Variants in DOK6 observed in about 807,000 individuals in gnomAD.
DOK6 encodes docking protein 6, also known as downstream of tyrosine kinase 6.
Under a neutral mutation model 44.0 loss-of-function variants are expected in DOK6, and 22 were observed. The ratio of observed to expected loss-of-function variants is 0.50; its 90% CI spans 0.36 to 0.71. DOK6 has a LOEUF of 0.71. DOK6 is among the 30% of genes least tolerant of loss of function. DOK6 has a pLI of 0.00. For missense variants in DOK6, 340 were observed against 416.4 expected (o/e 0.82, Z 1.60); for synonymous variants, 166 against 145.5 (o/e 1.14, Z -1.01).
chr18:69,580,156 T>C (rs928809630), intron 2 of DOK6, among the ~76,000 whole-genome samples: 1 of 152,294 alleles, frequency 6.6e-6, no homozygotes, highest in East Asian at 1.9e-4. Flanking sequence ...ATTCAGACTG[T>C]TTCAGGGTTT....
At chr18:69,813,386 G>A (rs1981300254) in intron 7 of DOK6, among the ~76,000 whole-genome samples, 1 of 152,138 alleles carries the variant, frequency 6.6e-6, no homozygotes, top group Admixed American at 6.6e-5. Context: ...AAGGCTGTGA[G>A]AAGGCTAGAT....
chr18:69,709,142 G>A (rs1986702369), intron 5 of DOK6, among the ~76,000 whole-genome samples: 1 of 152,126 alleles, frequency 6.6e-6, no homozygotes, highest in Non-Finnish European at 1.5e-5. Context: ...TTCAAAGCAA[G>A]TTCATGTGCC....
At chr18:69,718,439 C>G (rs1986932021) in intron 5 of DOK6, among the ~76,000 whole-genome samples, 1 of 152,084 alleles carries the variant, frequency 6.6e-6, no homozygotes, top group African/African-American at 2.4e-5. Context: ...AAATTTAATT[C>G]TTGATTCAGA....
intron 3 of DOK6, among the ~76,000 whole-genome samples, chr18:69,630,390 C>T (rs1984662803): frequency 6.6e-6 from 1 of 152,010 alleles, no homozygotes; most frequent in Non-Finnish European, 1.5e-5. Flanking sequence ...CATTTTAGTT[C>T]CCTTGGATTT....
intron 1 of DOK6, among the ~76,000 whole-genome samples, chr18:69,427,903 G>A (rs1347211247): frequency 6.6e-6 from 1 of 151,552 alleles, no homozygotes; most frequent in African/African-American, 2.4e-5. Flanking sequence ...TCAGCCTCCT[G>A]AGTAGCTCGA....
chr18:69,741,402 G>A (rs896151001), intron 6 of DOK6, among the ~76,000 whole-genome samples: 1 of 152,180 alleles, frequency 6.6e-6, no homozygotes, highest in Non-Finnish European at 1.5e-5. Flanking sequence ...GTTGATAAAT[G>A]CCTAAATTTC....
chr18:69,819,969 T>G (rs1216828688), intron 7 of DOK6, among the ~76,000 whole-genome samples: 1 of 152,158 alleles, frequency 6.6e-6, no homozygotes, highest in Non-Finnish European at 1.5e-5. Context: ...CTCATAATGT[T>G]TAAGAAAGTT....
intron 1 of DOK6, among the ~76,000 whole-genome samples, chr18:69,462,558 T>C (rs1426966695): frequency 6.6e-6 from 1 of 152,244 alleles, no homozygotes; most frequent in Non-Finnish European, 1.5e-5. Context: ...GGTATATTTA[T>C]TCAGCACATT....
In DOK6 at chr18:69,843,652, T is replaced by C. The variant is rs1287308027; in HGVS notation, c.*2269T>C. ...TAGGAGACAAATACCTGTATGTAAT[T>C]GCTTCAAGAACTCCATTTGGTTCTG... is the stretch of plus-strand genomic sequence containing the variant. On this transcript the variant is annotated 3_prime_UTR_variant, in exon 8 of 8. Coordinates refer to ENST00000382713, the MANE Select transcript of DOK6 (RefSeq NM_152721.6). The C allele has an allele frequency of 1.3e-5, 2 of 152,222 alleles. No individual in the cohort carries two copies. 9.4% of individuals were successfully genotyped at this position (152,222 alleles called of 1,614,324 possible). A position where few individuals can be genotyped will look rare whatever the true frequency, so the allele number is the denominator to read the frequency against.
chr18:69,676,880 G>C (rs1321729215), intron 3 of DOK6, among the ~76,000 whole-genome samples: 4 of 152,002 alleles, frequency 2.6e-5, no homozygotes, highest in Admixed American at 6.6e-5. Context: ...GAAAACTTTA[G>C]ATATGACAGG....
At chr18:69,612,810 T>C (rs562855477) in intron 3 of DOK6, among the ~76,000 whole-genome samples, 2 of 152,346 alleles carry the variant, frequency 1.3e-5, no homozygotes, top group African/African-American at 4.8e-5. Flanking sequence ...GTAAAATTTA[T>C]ACTTGTTTTA....
chr18:69,455,101 C>A (rs1483261206), intron 1 of DOK6, among the ~76,000 whole-genome samples: 2 of 135,020 alleles, frequency 1.5e-5, no homozygotes, highest in Non-Finnish European at 1.6e-5. Context: ...AGCTGTGGAA[C>A]ATTTTCAACT....
At chr18:69,757,017 C>T (rs1278194445) in intron 6 of DOK6, among the ~76,000 whole-genome samples, 2 of 152,206 alleles carry the variant, frequency 1.3e-5, no homozygotes, top group Non-Finnish European at 2.9e-5. Flanking sequence ...AAAGCTATTT[C>T]TTGGAAGTCC....
At chr18:69,683,731 T>C (rs2144690460) in intron 4 of DOK6, among the ~76,000 whole-genome samples, 1 of 152,356 alleles carries the variant, frequency 6.6e-6, no homozygotes, top group South Asian at 2.1e-4. Flanking sequence ...AGATGATATA[T>C]TACTGTTATT....
At chr18:69,682,582 C>A (rs549202823) in intron 4 of DOK6, among the ~76,000 whole-genome samples, 1 of 152,158 alleles carries the variant, frequency 6.6e-6, no homozygotes, top group Admixed American at 6.6e-5. Flanking sequence ...ACAATTTGAG[C>A]CTTTGAATAT....
chr18:69,840,760 A>G (rs1043347032), intron 7 of DOK6, among the ~76,000 whole-genome samples: 4 of 152,214 alleles, frequency 2.6e-5, no homozygotes, highest in African/African-American at 7.2e-5. Flanking sequence ...CTGATAATTC[A>G]TGGTTACTGG....
At chr18:69,591,425 G>C (rs552312518) in intron 2 of DOK6, among the ~76,000 whole-genome samples, 1 of 152,192 alleles carries the variant, frequency 6.6e-6, no homozygotes, top group South Asian at 2.1e-4. Context: ...TGTCACGTAT[G>C]TTCTCAAAAA....
chr18:69,482,267 C>T (rs1482548814), intron 1 of DOK6, among the ~76,000 whole-genome samples: 3 of 152,034 alleles, frequency 2.0e-5, no homozygotes, highest in Non-Finnish European at 4.4e-5. Context: ...GTTGCCATTG[C>T]TTTTGGTGTT....
At chr18:69,471,658 A>C (rs1438439186) in intron 1 of DOK6, 1 of 151,938 alleles carries the variant, frequency 6.6e-6, no homozygotes, top group Non-Finnish European at 1.5e-5. Context: ...GAAGAGAGAA[A>C]AGGATCAGGG....
Sources: gnomAD v4.1 joint callset for allele counts (sites outside exome capture counted in the v4.1 genomes callset) on GRCh38, gnomAD v4.1.1 for gene constraint, MANE v1.5 for transcripts, NCBI Gene and HGNC (gene_info 2026-07-23, HGNC 2026-07-21) for gene names.